Variants in SEC16A observed in about 807,000 individuals in gnomAD.
SEC16A encodes SEC16 homolog A, endoplasmic reticulum export factor.
SEC16A carries 110 observed loss-of-function variants against 221.9 expected under a neutral mutation model. The ratio of observed to expected loss-of-function variants is 0.50; its 90% CI spans 0.42 to 0.58. The LOEUF (loss-of-function observed/expected upper bound fraction) is 0.58. SEC16A is among the 20% of genes least tolerant of loss of function. SEC16A has a pLI of 0.00. For synonymous variants in SEC16A, 1,393 were observed against 1,257.7 expected (o/e 1.11, Z -2.28); for missense variants, 3,165 against 3,097.8 (o/e 1.02, Z -0.52).
At position 136,475,386 on chromosome 9, in the gene SEC16A, C is replaced by T; in HGVS notation, c.2230G>A (p.Ala744Thr). Residue 744 changes from alanine (A) to threonine (T), a missense_variant, in exon 3 of 32, where the codon GCC becomes ACC. Coordinates refer to ENST00000684901, the MANE Select transcript of SEC16A (RefSeq NM_014866.2). The surrounding 1 kb of genome is among the most constrained non-coding windows in gnomAD (Gnocchi z 5.0). The part of the protein sequence containing the change: ...FGGNVLLAPA[A>T]PALYVCAKPQ... The stretch of plus-strand genomic sequence containing the variant: ...TTTGCACACACATAAAGCGCCGGGG[C>T]TGCAGGGGCCAGAAGGACGTTGCCT... The T allele has an allele frequency of 1.2e-6, 2 of 1,609,814 alleles. No homozygotes were observed. Among genetic ancestry groups the T allele is most frequent in the Non-Finnish European group, 1.7e-6 (2 of 1,177,186 alleles).
chr9:136,460,598 T>G (rs1490888952), intron 13 of SEC16A, among the ~76,000 whole-genome samples: 1 of 140,466 alleles, frequency 7.1e-6, no homozygotes, highest in Non-Finnish European at 1.6e-5. Flanking sequence ...TATCTCAATA[T>G]TAAAAAAAAA....
intron 4 of SEC16A, among the ~76,000 whole-genome samples, chr9:136,469,334 T>C (rs1303797132): frequency 6.6e-6 from 1 of 152,198 alleles, no homozygotes; most frequent in Non-Finnish European, 1.5e-5. Flanking sequence ...TGGTGTCAGA[T>C]TCCTACACGT....
Position 136,475,528 on chromosome 9 carries a change from G to A in SEC16A, c.2088C>T (p.Pro696=). 1 of 1,613,240 alleles carries A rather than the reference G, an allele frequency of 6.2e-7. No homozygotes were observed. ...CGGGTGCTGGATACACAGTATCCAA[G>A]GGCGGTGCCCCTGCGTGCGGAAGCA... ...VHMLPHAGAP[P]LDTVYPAPEK... Residue 696 remains proline (P), a synonymous_variant, in exon 3 of 32, where the codon CCC becomes CCT. Transcript: ENST00000684901. The surrounding 1 kb of genome is among the most constrained non-coding windows in gnomAD (Gnocchi z 5.0).
chr9:136,446,484 TTTA>T (rs2131826157), intron 28 of SEC16A, among the ~76,000 whole-genome samples: 1 of 152,180 alleles, frequency 6.6e-6, no homozygotes, highest in East Asian at 1.9e-4. Context: ...ATACTTAACT[TTTA>T]TTATCGGTAG....
chr9:136,454,151 C>T lies in SEC16A; in HGVS notation c.6034G>A (p.Glu2012Lys). 1 of 1,555,000 alleles carries T rather than the reference C, an allele frequency of 6.4e-7. No individual in the cohort carries two copies. Among genetic ancestry groups the T allele is most frequent in the South Asian group, 1.2e-5 (1 of 84,276 alleles). Residue 2012 changes from glutamate to lysine, a missense_variant, in exon 21 of 32, where the codon GAA (glutamate) becomes AAA (lysine). Transcript: ENST00000684901. Reference protein sequence around the residue: ...GLPPGVPPLQERRHLLQEARS... With the variant: ...GLPPGVPPLQKRRHLLQEARS... ...GCTTCCTGGAGCAAGTGTCTCCTTTCCTGCAGAGGTGGCACACCAGGTGGG... is the reference window on the plus strand; with the variant it reads ...GCTTCCTGGAGCAAGTGTCTCCTTTTCTGCAGAGGTGGCACACCAGGTGGG...
At chr9:136,444,347 T>C (rs991309910) in intron 30 of SEC16A, among the ~76,000 whole-genome samples, 4 of 152,320 alleles carry the variant, frequency 2.6e-5, no homozygotes, top group Non-Finnish European at 2.9e-5. Context: ...CCCTCCCACA[T>C]TGGCCGCAGG....
chr9:136,484,347 C>T, upstream of SEC16A: 1 of 1,147,768 alleles, frequency 8.7e-7, no homozygotes, highest in Admixed American at 4.2e-5. Flanking sequence ...AGCATCCACG[C>T]CCTCCCGCGG....
At chr9:136,470,823 T>A (rs1840754041) in intron 4 of SEC16A, among the ~76,000 whole-genome samples, 1 of 152,252 alleles carries the variant, frequency 6.6e-6, no homozygotes, top group Non-Finnish European at 1.5e-5. Context: ...AATGAGTAGC[T>A]TTTTCTCTAT....
At position 136,466,590 on chromosome 9, in the gene SEC16A, C is replaced by T. The variant is rs1216892540; in HGVS notation, c.3930-128G>A. ...CCGAGGCACAACACAGCACACCCGA[C>T]ACTCAGGGCCCTCTGACGTGCAACG... is the stretch of plus-strand genomic sequence containing the variant. On this transcript the variant is annotated intron_variant, in intron 6 of 31. Coordinates refer to ENST00000684901, the MANE Select transcript of SEC16A (RefSeq NM_014866.2). The surrounding 1 kb of genome is among the most constrained non-coding windows in gnomAD (Gnocchi z 5.5). 2.4e-6 allele frequency: 2 copies of T among 823,464 alleles called. No individual in the cohort carries two copies. The highest frequency in any genetic ancestry group is 1.7e-5 in the African/African-American group (1 of 57,876). The allele number at this position is 823,464 out of a possible 1,614,324, so 51.0% of individuals were successfully genotyped here.
chr9:136,483,304 C>T (rs1462482762), upstream of SEC16A, among the ~76,000 whole-genome samples: 1 of 131,504 alleles, frequency 7.6e-6, no homozygotes, highest in African/African-American at 2.8e-5. Flanking sequence ...CCGTCTTCCA[C>T]GCCTTATCCT....
chr9:136,477,381 G>T lies in SEC16A; in HGVS notation c.235C>A (p.Gln79Lys). 6.2e-7 allele frequency: 1 copy of T among 1,614,026 alleles called. No homozygotes were observed. Among genetic ancestry groups the T allele is most frequent in the South Asian group, 1.1e-5 (1 of 91,090 alleles). ...SSSKSSPPVL[Q>K]GPAPAGFSQH... ...GAAAACCCTGCGGGGGCTGGGCCTT[G>T]CAAGACAGGTGGACTGCTTTTGGAC... The change falls in exon 3 of 32, where the codon CAA (glutamine) becomes AAA (lysine). Residue 79 changes from glutamine to lysine, a missense_variant. By Grantham distance (53) the Gln-to-Lys change is moderately conservative. Coordinates refer to ENST00000684901, the MANE Select transcript of SEC16A (RefSeq NM_014866.2).
chr9:136,443,548 G>T (rs1588856006), intron 31 of SEC16A, among the ~76,000 whole-genome samples: 2 of 152,336 alleles, frequency 1.3e-5, no homozygotes, highest in South Asian at 4.1e-4. Context: ...CAGGTGTGCT[G>T]ACCATGCCTG....
Position 136,475,709 on chromosome 9 carries a change from CT to C in SEC16A, c.1906del (p.Arg636GlyfsTer81). 1 of 1,613,272 alleles carries C rather than the reference CT, an allele frequency of 6.2e-7. No individual in the cohort carries two copies. Among genetic ancestry groups the C allele is most frequent in the African/African-American group, 1.3e-5 (1 of 75,038 alleles). On this transcript the variant is annotated frameshift_variant, in exon 3 of 32. Transcript: ENST00000684901. LOFTEE classifies it high-confidence loss of function. This position sits in a 1 kb window ranked among gnomAD's most constrained non-coding sequence, Gnocchi z 5.0. ...CTGCTTCTGGCGGACACAGGTCTCC[CT>C]TACTTCACCAACCACGTTGGCGCGA... Reference protein sequence around the residue: ...ADRANVVGEVRETCVRQKQCR... With the variant: ...ADRANVVGEVXETCVRQKQCR...
rs1840195628 is a variant in SEC16A at position 136,466,603 on chromosome 9, C to T, written c.3930-141G>A. 2 of 780,478 alleles carry T rather than the reference C, an allele frequency of 2.6e-6. No homozygotes were observed. The highest frequency in any genetic ancestry group is 5.4e-5 in the East Asian group (2 of 36,990). 48.3% of individuals were successfully genotyped at this position (780,478 alleles called of 1,614,324 possible). A position where few individuals can be genotyped will look rare whatever the true frequency, so the allele number is the denominator to read the frequency against. ...CAGCACACCCGACACTCAGGGCCCT[C>T]TGACGTGCAACGTTAGAGAAGTACT... On this transcript the variant is annotated intron_variant, in intron 6 of 31. Transcript: ENST00000684901. The surrounding 1 kb of genome is among the most constrained non-coding windows in gnomAD (Gnocchi z 5.5).
At position 136,476,216 on chromosome 9, in the gene SEC16A, T is replaced by C; in HGVS notation, c.1400A>G (p.Asn467Ser). The change falls in exon 3 of 32, where the codon AAT (asparagine) becomes AGT (serine). Residue 467 changes from asparagine (N) to serine (S), a missense_variant. Around this residue, in one of 3 missense-constraint regions of SEC16A, gnomAD observed 2,030 missense variants for 1,923.1 expected, o/e 1.06. Transcript: ENST00000684901. ...ENVENLEFVQ[N>S]QEVLPSEPLN... is the part of the protein sequence containing the mutation. ...GGGCTCACTTGGCAGAACTTCTTGA[T>C]TCTGAACAAATTCTAAGTTCTCAAC... 6.2e-7 allele frequency: 1 copy of C among 1,613,766 alleles called. No homozygotes were observed. Among genetic ancestry groups the C allele is most frequent in the South Asian group, 1.1e-5 (1 of 91,082 alleles).
chr9:136,459,198 C>T lies in SEC16A; in HGVS notation c.5345G>A (p.Arg1782Lys). 2 of 1,613,860 alleles carry T rather than the reference C, an allele frequency of 1.2e-6. No homozygotes were observed. Among genetic ancestry groups the T allele is most frequent in the Non-Finnish European group, 1.7e-6 (2 of 1,179,800 alleles). Residue 1782 changes from arginine to lysine, a missense_variant, in exon 17 of 32, where the codon AGG becomes AAG. Physicochemically the swap from Arg to Lys is conservative, Grantham distance 26. Transcript: ENST00000684901. The surrounding 1 kb of genome is among the most constrained non-coding windows in gnomAD (Gnocchi z 6.1). The part of the protein sequence containing the change: ...LKFATNEAIQ[R>K]TEAYEYAQSL... ...CTGGGCGTACTCATAGGCTTCCGTC[C>T]TCTGGATTGCTTCGTTGGTTGCGAA...
Position 136,447,350 on chromosome 9 carries a change from G to A in SEC16A, c.6574C>T (p.Arg2192Cys), listed in dbSNP as rs763509450. The change falls in exon 27 of 32, where the codon CGC (arginine) becomes TGC (cysteine). Residue 2192 changes from arginine (R) to cysteine (C), a missense_variant. Arg to Cys is a radical substitution (Grantham distance 180). This residue lies in a region of SEC16A where 1,088 missense variants were observed against 1,089.6 expected (regional missense o/e 1.00). Transcript: ENST00000684901. The surrounding 1 kb of genome is among the most constrained non-coding windows in gnomAD (Gnocchi z 5.5). ...YSRRAAGTRA[R>C]YVDVLNPSGT... is the part of the protein sequence containing the mutation. ...CTTGGGTTCAGGACGTCAACGTAGCGAGCTCTGGTTCCTGCTGCAAAGGGG... is the reference window on the plus strand; with the variant it reads ...CTTGGGTTCAGGACGTCAACGTAGCAAGCTCTGGTTCCTGCTGCAAAGGGG... The A allele has an allele frequency of 1.3e-6, 2 of 1,598,248 alleles. No individual in the cohort carries two copies. The highest frequency in any genetic ancestry group is 1.1e-5 in the South Asian group (1 of 88,314).
intron 20 of SEC16A, 81 bp downstream of exon 20, chr9:136,455,520 G>T: frequency 7.5e-7 from 1 of 1,332,190 alleles, no homozygotes; most frequent in Non-Finnish European, 1.0e-6. Context: ...CAGTTCTCCA[G>T]GAGGCAAGGG....
chr9:136,443,888 G>A lies in SEC16A; in HGVS notation c.6940C>T (p.Leu2314Phe), dbSNP rs766691512. Reference sequence around the variant, plus strand: ...CTGGGAGGGCCCCCTGCAGCAGGGAGGTCGCCAGGAGCCTGAGAAGCACAG... The same window carrying A: ...CTGGGAGGGCCCCCTGCAGCAGGGAAGTCGCCAGGAGCCTGAGAAGCACAG... Reference protein sequence around the residue: ...SQHFNQAPGDLPAAGGPPSGA... With the variant: ...SQHFNQAPGDFPAAGGPPSGA... Residue 2314 changes from leucine to phenylalanine, a missense_variant, in exon 31 of 32, where the codon CTC (leucine) becomes TTC (phenylalanine). Leu to Phe is a conservative substitution (Grantham distance 22). Coordinates refer to ENST00000684901, the MANE Select transcript of SEC16A (RefSeq NM_014866.2). 7 of 1,610,070 alleles carry A rather than the reference G, an allele frequency of 4.3e-6. No homozygotes were observed. Among genetic ancestry groups the A allele is most frequent in the South Asian group, 2.2e-5 (2 of 90,590 alleles).
Sources: allele counts gnomAD v4.1 joint callset (sites outside exome capture counted in the v4.1 genomes callset), GRCh38; gene constraint gnomAD v4.1.1; regional missense constraint gnomAD v4.1.1; non-coding constraint Gnocchi (gnomAD v3.1); transcripts MANE v1.5; gene names NCBI Gene and HGNC (gene_info 2026-07-23, HGNC 2026-07-21).